COBL: variants seen among roughly 807,000 people sequenced by gnomAD.
COBL encodes protein cordon-bleu.
Under a neutral mutation model 98.8 loss-of-function variants are expected in COBL, and 51 were observed. The observed-to-expected ratio is 0.52, with a 90% CI of 0.41 to 0.65. COBL has a LOEUF of 0.65. COBL is among the 30% of genes least tolerant of loss of function. The pLI is 0.00. For synonymous variants in COBL, 634 were observed against 651.7 expected (o/e 0.97, Z 0.41); for missense variants, 1,617 against 1,617.5 (o/e 1.00, Z 0.01).
intron 6 of COBL, among the ~76,000 whole-genome samples, chr7:51,115,703 T>C (rs1336227534): frequency 6.6e-6 from 1 of 152,082 alleles, no homozygotes; most frequent in African/African-American, 2.4e-5. Flanking sequence ...AGTGGTTGGA[T>C]ATAGTGTTCT....
In COBL at chr7:51,315,559, C is replaced by T. The variant is rs550904978; in HGVS notation, c.41+1034G>A. Among the ~76,000 whole-genome samples the T allele has an allele frequency of 4.6e-5, 7 of 151,734 alleles. No homozygotes were observed. The East Asian group carries it at 9.7e-4, about 21-fold the overall frequency. Reference sequence around the variant, plus strand: ...AGTGGGCCCATTCAGTAAGCAGGTGCAGGGCTCACCCCAACCCTCATTCCA... The same window carrying T: ...AGTGGGCCCATTCAGTAAGCAGGTGTAGGGCTCACCCCAACCCTCATTCCA... On this transcript the variant is annotated intron_variant, in intron 1 of 12. Transcript: ENST00000265136.
chr7:51,197,898 T>A (rs1435625881), intron 2 of COBL, among the ~76,000 whole-genome samples: 1 of 152,194 alleles, frequency 6.6e-6, no homozygotes, highest in African/African-American at 2.4e-5. Flanking sequence ...GTTTTGAGCT[T>A]ACGTGTGTCA....
At chr7:51,224,044 A>G (rs1793924066) in intron 1 of COBL, among the ~76,000 whole-genome samples, 3 of 152,134 alleles carry the variant, frequency 2.0e-5, no homozygotes, top group African/African-American at 7.2e-5. Flanking sequence ...AATGCTTACT[A>G]TTGTGTTACA....
rs57504788 is a variant in COBL, at chr7:51,024,416, C to T, written c.3768+693G>A. On this transcript the variant is annotated intron_variant, in intron 12 of 12. Transcript: ENST00000265136. Reference sequence around the variant, plus strand: ...CACACCCACTAGGAATGGGCAGGGACGGAGGGTCAATCCATTACTGAATCA... The same window carrying T: ...CACACCCACTAGGAATGGGCAGGGATGGAGGGTCAATCCATTACTGAATCA... Among the ~76,000 whole-genome samples, 700 of 152,300 alleles carry T rather than the reference C, an allele frequency of 4.6e-3. 3 individuals are homozygous for T. The highest frequency in any genetic ancestry group is 0.015 in the African/African-American group (635 of 41,552).
chr7:51,315,815 G>A (rs1239458178), intron 1 of COBL, among the ~76,000 whole-genome samples: 2 of 152,266 alleles, frequency 1.3e-5, no homozygotes, highest in Non-Finnish European at 2.9e-5. Flanking sequence ...TCCTGAATGT[G>A]ACGTGTAATC....
intron 1 of COBL, among the ~76,000 whole-genome samples, chr7:51,267,573 C>A (rs1356456258): frequency 6.6e-6 from 1 of 151,824 alleles, no homozygotes; most frequent in Admixed American, 6.6e-5. Context: ...AAAAAAAGAA[C>A]TTTTGTTGTT....
intron 7 of COBL, among the ~76,000 whole-genome samples, chr7:51,045,957 C>T (rs1427975559): frequency 6.6e-6 from 1 of 152,178 alleles, no homozygotes; most frequent in African/African-American, 2.4e-5. Flanking sequence ...CCCCTTTTGC[C>T]CAGGCCAGCC....
intron 1 of COBL, among the ~76,000 whole-genome samples, chr7:51,309,492 C>T (rs12532786): frequency 0.32 from 48,600 of 152,094 alleles, 9,209 homozygotes; most frequent in Non-Finnish European, 0.43. Flanking sequence ...AAATCTGCAC[C>T]GAACTAGGCT....
intron 1 of COBL, among the ~76,000 whole-genome samples, chr7:51,270,324 C>G (rs141899350): frequency 1.1e-3 from 169 of 152,250 alleles, no homozygotes; most frequent in African/African-American, 3.9e-3. Flanking sequence ...AGAAAGATTT[C>G]AAAACAAGAT....
In COBL at chr7:51,172,548, G is replaced by C. The variant is rs1255967164; in HGVS notation, c.783+11554C>G. Reference sequence around the variant, plus strand: ...TGCTCAGCCTGGAACACAAGCACCAGGCCACATCATCTCCAGGTGAAAGTT... The same window carrying C: ...TGCTCAGCCTGGAACACAAGCACCACGCCACATCATCTCCAGGTGAAAGTT... On this transcript the variant is annotated intron_variant, in intron 5 of 12. Transcript: ENST00000265136. 2.3e-6 allele frequency: 3 copies of C among 1,279,156 alleles called. No homozygotes were observed. The Admixed American group carries it at 7.1e-5, about 30-fold the overall frequency. 79.2% of individuals were successfully genotyped at this position (1,279,156 alleles called of 1,614,324 possible). A position where few individuals can be genotyped will look rare whatever the true frequency, so the allele number is the denominator to read the frequency against.
chr7:51,228,696 A>T (rs192855600), intron 1 of COBL, among the ~76,000 whole-genome samples: 2 of 152,332 alleles, frequency 1.3e-5, no homozygotes, highest in Admixed American at 1.3e-4. Context: ...ATATCTCACA[A>T]CACATCAAGT....
intron 6 of COBL, among the ~76,000 whole-genome samples, chr7:51,114,181 C>G (rs1024541309): frequency 6.6e-6 from 1 of 152,084 alleles, no homozygotes; most frequent in African/African-American, 2.4e-5. Flanking sequence ...GAAGCTGGGG[C>G]GGCCCCTCCA....
chr7:51,163,014 G>A (rs1191719555), intron 5 of COBL, among the ~76,000 whole-genome samples: 1 of 152,194 alleles, frequency 6.6e-6, no homozygotes, highest in Non-Finnish European at 1.5e-5. Context: ...ACAAGGAGAT[G>A]GATCAGTGTT....
Position 51,028,378 on chromosome 7 carries a change from T to C in COBL, c.2718A>G (p.Pro906=). 1 of 1,614,242 alleles carries C rather than the reference T, an allele frequency of 6.2e-7. No homozygotes were observed. The highest frequency in any genetic ancestry group is 8.5e-7 in the Non-Finnish European group (1 of 1,180,044). Residue 906 remains proline, a synonymous_variant, in exon 10 of 13, where the codon CCA becomes CCG. Transcript: ENST00000265136. Reference sequence around the variant, plus strand: ...TCCTGTCATCTTTCACAGTGACAGGTGGTGCAGCCAGCACTGGCGCCTTGC... The same window carrying C: ...TCCTGTCATCTTTCACAGTGACAGGCGGTGCAGCCAGCACTGGCGCCTTGC... ...YAGKAPVLAA[P]PVTVKDDRTS...
intron 5 of COBL, among the ~76,000 whole-genome samples, chr7:51,166,818 G>A (rs1163476286): frequency 6.6e-6 from 1 of 152,094 alleles, no homozygotes; most frequent in Non-Finnish European, 1.5e-5. Context: ...ATCAATCAGT[G>A]TGATACATTA....
intron 11 of COBL, 95 bp downstream of exon 11, chr7:51,026,451 G>C: frequency 6.7e-7 from 1 of 1,494,620 alleles, no homozygotes; most frequent in Non-Finnish European, 9.1e-7. Flanking sequence ...CCAATCGGAA[G>C]GACAGAAGCT....
chr7:51,299,348 G>A (rs777047661), intron 1 of COBL, among the ~76,000 whole-genome samples: 8 of 152,210 alleles, frequency 5.3e-5, no homozygotes, highest in South Asian at 2.1e-4. Flanking sequence ...CCTTTGCTTC[G>A]ATTTGCTAGA....
At chr7:51,290,315 C>T (rs918941931) in intron 1 of COBL, among the ~76,000 whole-genome samples, 16 of 152,188 alleles carry the variant, frequency 1.1e-4, no homozygotes, top group African/African-American at 3.6e-4. Context: ...AATCTGACTG[C>T]TAATCATTGG....
chr7:51,110,871 T>A (rs1406648047), intron 6 of COBL, among the ~76,000 whole-genome samples: 1 of 152,244 alleles, frequency 6.6e-6, no homozygotes, highest in Non-Finnish European at 1.5e-5. Flanking sequence ...GTTAATTTAT[T>A]CCTTTTTATG....
Sources: gnomAD v4.1 joint callset for allele counts (sites outside exome capture counted in the v4.1 genomes callset) on GRCh38, gnomAD v4.1.1 for gene constraint, MANE v1.5 for transcripts, NCBI Gene and HGNC (gene_info 2026-07-23, HGNC 2026-07-21) for gene names.